The following CSGALNACT1 variants were observed in gnomAD, a reference collection of about 807,000 sequenced individuals.
CSGALNACT1 encodes the protein chondroitin sulfate N-acetylgalactosaminyltransferase 1, also known as beta4GalNAcT-1.
A neutral mutation model predicts 51.0 loss-of-function variants in CSGALNACT1; 52 were observed. That is an observed-to-expected ratio of 1.02 (90% confidence interval 0.82 to 1.29). CSGALNACT1 has a LOEUF of 1.29. Ranked by LOEUF, CSGALNACT1 falls within the 50% of genes most tolerant of loss-of-function variation. The probability of loss-of-function intolerance (pLI) is 0.00; values close to 1 mark genes in which losing one functional copy is unlikely to be tolerated. For missense variants in CSGALNACT1, 935 were observed against 679.2 expected (o/e 1.38, Z -4.19); for synonymous variants, 341 against 254.4 (o/e 1.34, Z -3.24).
At chr8:19,590,678 C>G (rs1419261639) in intron 3 of CSGALNACT1, among the ~76,000 whole-genome samples, 3 of 106,028 alleles carry the variant, frequency 2.8e-5, no homozygotes, top group Non-Finnish European at 1.7e-5. Flanking sequence ...GAGATGGAGT[C>G]TCGCTCTGTC....
rs113322945 is a variant in CSGALNACT1 at position 19,523,131 on chromosome 8, G to C, written c.-296-17001C>G. Among the ~76,000 whole-genome samples the C allele has an allele frequency of 5.9e-5, 9 of 152,242 alleles. No individual in the cohort carries two copies. In the South Asian group the frequency reaches 1.9e-3, roughly 32 times the overall value. On this transcript the variant is annotated intron_variant, in intron 3 of 9. Transcript: ENST00000454498. ...CAAGACCATCAGAGTTCCATCTCACGTAACAGTGACCTACACTGAAGCAAG... is the reference window on the plus strand; with the variant it reads ...CAAGACCATCAGAGTTCCATCTCACCTAACAGTGACCTACACTGAAGCAAG...
At chr8:19,476,698 C>T (rs1203645190) in intron 4 of CSGALNACT1, among the ~76,000 whole-genome samples, 1 of 152,132 alleles carries the variant, frequency 6.6e-6, no homozygotes, top group Non-Finnish European at 1.5e-5. Context: ...GTTTTGGAAC[C>T]CAGACTTCTA....
chr8:19,640,193 A>T (rs1045474954), intron 1 of CSGALNACT1, among the ~76,000 whole-genome samples: 6 of 152,008 alleles, frequency 3.9e-5, no homozygotes, highest in African/African-American at 1.4e-4. Flanking sequence ...TCCCATCTCA[A>T]CCTCTAGCAC....
intron 4 of CSGALNACT1, among the ~76,000 whole-genome samples, chr8:19,487,427 C>T (rs1049371154): frequency 1.2e-4 from 18 of 152,180 alleles, no homozygotes; most frequent in Admixed American, 8.5e-4. Context: ...TTCCAGGACA[C>T]GGCCCACATG....
chr8:19,704,721 G>A (rs1439611466), intron 1 of CSGALNACT1, among the ~76,000 whole-genome samples: 1 of 152,118 alleles, frequency 6.6e-6, no homozygotes, highest in East Asian at 1.9e-4. Context: ...TGGATGGATG[G>A]AGAAAATGTG....
chr8:19,487,920 G>C (rs1323225020), intron 4 of CSGALNACT1, among the ~76,000 whole-genome samples: 2 of 152,102 alleles, frequency 1.3e-5, no homozygotes, highest in African/African-American at 4.8e-5. Context: ...AAACTGTGAA[G>C]TGATATTGAT....
chr8:19,602,064 A>T, exon 1 of CSGALNACT1: 1 of 319,664 alleles, frequency 3.1e-6, no homozygotes. Flanking sequence ...TTTAAAAAAA[A>T]ATCAAGGCTT....
intron 1 of CSGALNACT1, among the ~76,000 whole-genome samples, chr8:19,697,513 T>G (rs935170217): frequency 6.6e-6 from 1 of 152,062 alleles, no homozygotes; most frequent in Admixed American, 6.5e-5. Flanking sequence ...GGGCACCAAA[T>G]CTCAGGGCCG....
chr8:19,412,933 A>T (rs1585413699), intron 8 of CSGALNACT1, among the ~76,000 whole-genome samples: 1 of 152,096 alleles, frequency 6.6e-6, no homozygotes, highest in Non-Finnish European at 1.5e-5. Context: ...GTGGCTTCTT[A>T]GTATGAAGAC....
In CSGALNACT1 at chr8:19,439,815, C is replaced by T. The variant is rs1046932808; in HGVS notation, c.953+15G>A. The stretch of plus-strand genomic sequence containing the variant: ...GTTACCAGGATTCCTTATGACAGCT[C>T]CGTATTGTACTCACTTGGAAGTGTT... On this transcript the variant is annotated intron_variant, in intron 6 of 9. Transcript: ENST00000454498. 6.3e-7 allele frequency: 1 copy of T among 1,594,958 alleles called. No homozygotes were observed. Among genetic ancestry groups the T allele is most frequent in the Non-Finnish European group, 8.6e-7 (1 of 1,162,696 alleles).
intron 1 of CSGALNACT1, among the ~76,000 whole-genome samples, chr8:19,692,487 G>A (rs2061383985): frequency 6.6e-6 from 1 of 152,170 alleles, no homozygotes; most frequent in Non-Finnish European, 1.5e-5. Context: ...GATAGATGGT[G>A]ATGATGATGA....
chr8:19,489,306 C>A (rs1487074682), intron 4 of CSGALNACT1, among the ~76,000 whole-genome samples: 3 of 152,050 alleles, frequency 2.0e-5, no homozygotes, highest in African/African-American at 7.2e-5. Flanking sequence ...CATCACTATC[C>A]AATGTTTATC....
intron 1 of CSGALNACT1, among the ~76,000 whole-genome samples, chr8:19,754,032 G>A (rs939068088): frequency 3.2e-5 from 4 of 126,204 alleles, no homozygotes; most frequent in Non-Finnish European, 5.1e-5. Flanking sequence ...GAGATTCAAT[G>A]TGGCTCCATT....
intron 4 of CSGALNACT1, among the ~76,000 whole-genome samples, chr8:19,460,551 C>A (rs577210986): frequency 6.6e-6 from 1 of 152,240 alleles, no homozygotes; most frequent in African/African-American, 2.4e-5. Context: ...CCACAGTGAA[C>A]CAAGAATGCA....
At chr8:19,666,526 T>C (rs2059184753) in intron 1 of CSGALNACT1, among the ~76,000 whole-genome samples, 1 of 151,694 alleles carries the variant, frequency 6.6e-6, no homozygotes, top group South Asian at 2.1e-4. Context: ...AAACCCTGTC[T>C]CTACTAAAAA....
intron 2 of CSGALNACT1, among the ~76,000 whole-genome samples, chr8:19,599,041 A>G (rs2049625678): frequency 6.6e-6 from 1 of 152,048 alleles, no homozygotes; most frequent in Non-Finnish European, 1.5e-5. Flanking sequence ...GTGGACACCA[A>G]CACAGCTTCA....
intron 1 of CSGALNACT1, among the ~76,000 whole-genome samples, chr8:19,615,646 G>A (rs1475896320): frequency 6.6e-6 from 1 of 152,162 alleles, no homozygotes; most frequent in Admixed American, 6.5e-5. Flanking sequence ...TGATGAACAT[G>A]AATAGGTTAA....
chr8:19,635,382 A>G (rs991635741), intron 1 of CSGALNACT1, among the ~76,000 whole-genome samples: 1 of 152,158 alleles, frequency 6.6e-6, no homozygotes, highest in Non-Finnish European at 1.5e-5. Context: ...CACTTTAGAC[A>G]CCAAGTCCTA....
At chr8:19,414,850 G>C (rs914929761) in intron 8 of CSGALNACT1, among the ~76,000 whole-genome samples, 1 of 152,202 alleles carries the variant, frequency 6.6e-6, no homozygotes, top group Non-Finnish European at 1.5e-5. Flanking sequence ...CAAGGATGTA[G>C]TAATTAATAT....
Sources: gnomAD v4.1 joint callset for allele counts (sites outside exome capture counted in the v4.1 genomes callset) on GRCh38, gnomAD v4.1.1 for gene constraint, MANE v1.5 for transcripts, NCBI Gene and HGNC (gene_info 2026-07-23, HGNC 2026-07-21) for gene names.